Variants in CSMD2 observed in about 807,000 individuals in gnomAD.
CSMD2 encodes CUB and sushi domain-containing protein 2.
In CSMD2, 130 loss-of-function variants were observed where a neutral mutation model predicts 398.5. The observed-to-expected ratio is 0.33, with a 90% CI of 0.28 to 0.38. The LOEUF is 0.38. CSMD2 is among the 10% of genes least tolerant of loss of function. The pLI is 1.00. For missense variants in CSMD2, 3,829 were observed against 4,764.9 expected, an observed-to-expected ratio of 0.80 and a Z score of 5.78; for synonymous variants, 1,828 against 1,908.5, an observed-to-expected ratio of 0.96 and a Z score of 1.10.
chr1:34,081,265 G>A (rs1237076989), intron 2 of CSMD2, among the ~76,000 whole-genome samples: 1 of 152,082 alleles, frequency 6.6e-6, no homozygotes, highest in Non-Finnish European at 1.5e-5. Context: ...CCCCAGAGTA[G>A]CACCATTCCA....
At position 33,662,883 on chromosome 1, in the gene CSMD2, C is replaced by A. The variant is rs771241797; in HGVS notation, c.4255+7G>T. On this transcript the variant is annotated splice_region_variant and intron_variant, in intron 26 of 70. Coordinates refer to ENST00000373381, the MANE Select transcript of CSMD2 (RefSeq NM_001281956.2). ...TGGAGTGGGGCTGGCAGAGGGCACGCACAGACCTGAAAATTGAATGGCAAA... is the reference window on the plus strand; with the variant it reads ...TGGAGTGGGGCTGGCAGAGGGCACGAACAGACCTGAAAATTGAATGGCAAA... 3.5e-5 allele frequency: 56 copies of A among 1,613,866 alleles called. No individual in the cohort carries two copies. Among genetic ancestry groups the A allele is most frequent in the Non-Finnish European group, 4.4e-5 (52 of 1,179,914 alleles).
intron 9 of CSMD2, among the ~76,000 whole-genome samples, chr1:33,819,299 CTGTT>C (rs1283992826): frequency 2.6e-5 from 4 of 152,284 alleles, no homozygotes; most frequent in South Asian, 2.1e-4. Flanking sequence ...ACAAGTCTGT[CTGTT>C]GCAATATGGG....
At chr1:33,781,408 G>A (rs1179040578) in intron 12 of CSMD2, among the ~76,000 whole-genome samples, 3 of 152,222 alleles carry the variant, frequency 2.0e-5, no homozygotes, top group Non-Finnish European at 4.4e-5. Context: ...TATGAATTAG[G>A]TGAAGGCAGA....
upstream of CSMD2, chr1:34,165,374 C>T: frequency 8.5e-7 from 1 of 1,180,952 alleles, no homozygotes; most frequent in Non-Finnish European, 1.1e-6. Flanking sequence ...GCTTCTCCGC[C>T]GCTCCAAATG....
At chr1:33,815,808 T>C (rs1469430191) in intron 9 of CSMD2, among the ~76,000 whole-genome samples, 1 of 152,234 alleles carries the variant, frequency 6.6e-6, no homozygotes. Context: ...GGTAAGGGAC[T>C]GAGGGACATT....
At chr1:33,821,840 A>G (rs867182823) in intron 7 of CSMD2, among the ~76,000 whole-genome samples, 6 of 152,194 alleles carry the variant, frequency 3.9e-5, no homozygotes, top group Admixed American at 1.3e-4. Context: ...AAGAGGTGGC[A>G]TCGAACATGG....
chr1:34,018,105 C>A (rs1648383547), intron 3 of CSMD2, among the ~76,000 whole-genome samples: 1 of 152,166 alleles, frequency 6.6e-6, no homozygotes, highest in African/African-American at 2.4e-5. Flanking sequence ...TCCATCCAGT[C>A]CCTGTTCATA....
intron 28 of CSMD2, among the ~76,000 whole-genome samples, chr1:33,650,827 C>A (rs1243679200): frequency 1.3e-5 from 2 of 152,136 alleles, no homozygotes; most frequent in Non-Finnish European, 2.9e-5. Flanking sequence ...CCAAATGCCC[C>A]TTCCCATTCA....
upstream of CSMD2, chr1:34,165,598 AAAC>A (rs1173175205): frequency 2.3e-4 from 163 of 697,116 alleles, no homozygotes; most frequent in East Asian, 2.4e-3. Context: ...ACACACACAC[AAAC>A]ACACACACAC....
At chr1:34,021,771 T>C (rs1389498635) in intron 3 of CSMD2, among the ~76,000 whole-genome samples, 2 of 152,062 alleles carry the variant, frequency 1.3e-5, no homozygotes, top group Non-Finnish European at 2.9e-5. Flanking sequence ...AAAGGAGGAA[T>C]CCTGACCATC....
chr1:33,596,997 T>C (rs2148789461), intron 44 of CSMD2, among the ~76,000 whole-genome samples: 1 of 152,346 alleles, frequency 6.6e-6, no homozygotes, highest in African/African-American at 2.4e-5. Context: ...TATCTAGACT[T>C]ATATTAGAAG....
chr1:34,137,155 C>T (rs774787431), intron 1 of CSMD2, among the ~76,000 whole-genome samples: 98 of 152,002 alleles, frequency 6.4e-4, no homozygotes, highest in Non-Finnish European at 1.1e-3. Context: ...TCTTCCATCA[C>T]CCACTATCTC....
rs144131639 is a variant in CSMD2 at position 33,533,675 on chromosome 1, C to T, written c.9991+121G>A. On this transcript the variant is annotated intron_variant, in intron 63 of 70. Coordinates refer to ENST00000373381, the MANE Select transcript of CSMD2 (RefSeq NM_001281956.2). The surrounding 1 kb of genome is among the most constrained non-coding windows in gnomAD (Gnocchi z 4.2). Reference sequence around the variant, plus strand: ...CCAAAGTGTAAGGACTACAAAGAGACCGATGTCGGTTCGCATGGGGAGTTG... The same window carrying T: ...CCAAAGTGTAAGGACTACAAAGAGATCGATGTCGGTTCGCATGGGGAGTTG... The T allele has an allele frequency of 9.0e-6, 6 of 668,968 alleles. No individual in the cohort carries two copies. Among genetic ancestry groups the T allele is most frequent in the Non-Finnish European group, 1.6e-5 (6 of 371,574 alleles). 41.4% of individuals were successfully genotyped at this position (668,968 alleles called of 1,614,324 possible). A position where few individuals can be genotyped will look rare whatever the true frequency, so the allele number is the denominator to read the frequency against.
chr1:34,039,446 T>C (rs1196533518), intron 2 of CSMD2, among the ~76,000 whole-genome samples: 9 of 152,166 alleles, frequency 5.9e-5, no homozygotes, highest in Non-Finnish European at 1.3e-4. Flanking sequence ...TTTTGGTGAG[T>C]TAAGCCATTT....
chr1:33,964,245 T>A (rs540971267), intron 3 of CSMD2, among the ~76,000 whole-genome samples: 125 of 150,124 alleles, frequency 8.3e-4, no homozygotes, highest in Non-Finnish European at 1.4e-3. Flanking sequence ...ACTTAACCTC[T>A]CTATGTCTCA....
chr1:33,607,427 TC>T (rs1171525557), intron 41 of CSMD2, among the ~76,000 whole-genome samples: 1 of 152,152 alleles, frequency 6.6e-6, no homozygotes, highest in Admixed American at 6.5e-5. Flanking sequence ...AATGGCTCGT[TC>T]ATTGAAGCTG....
At position 33,626,532 on chromosome 1, in the gene CSMD2, G is replaced by A. The variant is rs144162842; in HGVS notation, c.5250C>T (p.Ser1750=). Residue 1750 remains serine, a synonymous_variant, in exon 33 of 71, where the codon AGC becomes AGT. Coordinates refer to ENST00000373381, the MANE Select transcript of CSMD2 (RefSeq NM_001281956.2). ...CTCTGGCTGGTGCGAGGCCTTTGGCGCTGAACTTAATGAGAACTTGATTGG... is the reference window on the plus strand; with the variant it reads ...CTCTGGCTGGTGCGAGGCCTTTGGCACTGAACTTAATGAGAACTTGATTGG... ...ATSNQVLIKF[S]AKGLAPARGF... 9.0e-4 allele frequency: 1,441 copies of A among 1,608,848 alleles called. No homozygotes were observed. Among genetic ancestry groups the A allele is most frequent in the Non-Finnish European group, 1.1e-3 (1,244 of 1,178,122 alleles).
intron 6 of CSMD2, chr1:33,839,002 C>G (rs1660583780): frequency 6.6e-6 from 1 of 152,234 alleles, no homozygotes; most frequent in Non-Finnish European, 1.5e-5. Context: ...TGTGACAACT[C>G]CTGAAGAGAT....
chr1:33,538,097 CATAATT>C (rs1173775589), intron 60 of CSMD2, among the ~76,000 whole-genome samples: 1 of 152,142 alleles, frequency 6.6e-6, no homozygotes, highest in Non-Finnish European at 1.5e-5. Flanking sequence ...GTGGTTGTAC[CATAATT>C]ATATTTTATC....
Sources: gnomAD v4.1 joint callset for allele counts (sites outside exome capture counted in the v4.1 genomes callset) on GRCh38, gnomAD v4.1.1 for gene constraint, Gnocchi (gnomAD v3.1) non-coding constraint, MANE v1.5 for transcripts, NCBI Gene and HGNC (gene_info 2026-07-23, HGNC 2026-07-21) for gene names.